The following MAST4 variants were observed in gnomAD, a reference collection of about 807,000 sequenced individuals.
MAST4 encodes microtubule-associated serine/threonine-protein kinase 4.
In MAST4, 89 loss-of-function variants were observed where a neutral mutation model predicts 162.7. The ratio of observed to expected loss-of-function variants is 0.55; its 90% CI spans 0.46 to 0.65. The LOEUF (loss-of-function observed/expected upper bound fraction) is 0.65, where lower values mean the gene tolerates loss of function less well. Ranked by LOEUF, MAST4 falls within the 30% of genes least tolerant of loss-of-function variation. The pLI, the probability that MAST4 is intolerant of heterozygous loss-of-function variation, is 0.00. For synonymous variants in MAST4, 1,479 were observed against 1,361.1 expected (o/e 1.09, Z -1.91); for missense variants, 3,153 against 3,374.0 (o/e 0.93, Z 1.62).
chr5:67,036,716 G>A (rs1391815771), intron 4 of MAST4, among the ~76,000 whole-genome samples: 1 of 152,124 alleles, frequency 6.6e-6, no homozygotes, highest in Non-Finnish European at 1.5e-5. Flanking sequence ...AATTGTATGT[G>A]TTCAGTACAG....
At chr5:66,786,241 A>T (rs1483481381) in intron 2 of MAST4, among the ~76,000 whole-genome samples, 1 of 151,516 alleles carries the variant, frequency 6.6e-6, no homozygotes, top group Non-Finnish European at 1.5e-5. Context: ...TTTGCCTTTA[A>T]TTTTTTCTAT....
intron 1 of MAST4, among the ~76,000 whole-genome samples, chr5:66,680,258 A>C (rs1332221102): frequency 6.6e-6 from 1 of 152,128 alleles, no homozygotes; most frequent in East Asian, 1.9e-4. Context: ...AGTTCTGTTG[A>C]CTTTGTTTTT....
At chr5:66,924,391 A>C (rs910175021) in intron 4 of MAST4, among the ~76,000 whole-genome samples, 3 of 152,012 alleles carry the variant, frequency 2.0e-5, no homozygotes, top group Admixed American at 2.0e-4. Flanking sequence ...TCTTTGTAGA[A>C]AATAATTTTT....
chr5:66,941,683 C>G (rs533047266), intron 4 of MAST4, among the ~76,000 whole-genome samples: 8 of 152,158 alleles, frequency 5.3e-5, no homozygotes, highest in African/African-American at 1.9e-4. Context: ...TTTACAACTT[C>G]GCTACCTGTT....
At chr5:67,024,795 T>C (rs1581239151) in intron 4 of MAST4, among the ~76,000 whole-genome samples, 1 of 151,744 alleles carries the variant, frequency 6.6e-6, no homozygotes, top group East Asian at 1.9e-4. Flanking sequence ...GCCTAGAACA[T>C]GCTTCCATTT....
At chr5:67,060,033 C>A (rs757444623) in intron 5 of MAST4, among the ~76,000 whole-genome samples, 19 of 152,136 alleles carry the variant, frequency 1.2e-4, no homozygotes, top group Non-Finnish European at 1.3e-4. Context: ...TTTGACTTAA[C>A]AAATAAAACT....
chr5:66,671,345 T>C (rs1250461709), intron 1 of MAST4, among the ~76,000 whole-genome samples: 1 of 152,200 alleles, frequency 6.6e-6, no homozygotes, highest in Non-Finnish European at 1.5e-5. Flanking sequence ...CAGCATCACA[T>C]TTGTGTTCCA....
At chr5:66,701,566 A>G (rs1749777593) in intron 1 of MAST4, among the ~76,000 whole-genome samples, 1 of 152,196 alleles carries the variant, frequency 6.6e-6, no homozygotes, top group Non-Finnish European at 1.5e-5. Flanking sequence ...GTTCAAAGCT[A>G]TTGCTATTTG....
intron 10 of MAST4, among the ~76,000 whole-genome samples, chr5:67,107,704 C>T (rs1397002548): frequency 6.6e-6 from 1 of 152,200 alleles, no homozygotes; most frequent in Non-Finnish European, 1.5e-5. Context: ...TTTTGCATAA[C>T]CCAGGTAAAA....
intron 1 of MAST4, among the ~76,000 whole-genome samples, chr5:66,708,248 A>G (rs925567843): frequency 2.6e-5 from 4 of 152,148 alleles, no homozygotes; most frequent in African/African-American, 9.7e-5. Flanking sequence ...TAGCTTAACC[A>G]TCGAAGTCTG....
chr5:67,105,443 C>G (rs1765491797), intron 10 of MAST4, among the ~76,000 whole-genome samples: 1 of 152,156 alleles, frequency 6.6e-6, no homozygotes, highest in African/African-American at 2.4e-5. Context: ...AGATAAGATC[C>G]TTCTCTGGCT....
intron 10 of MAST4, among the ~76,000 whole-genome samples, chr5:67,107,569 C>T (rs1018959896): frequency 6.6e-6 from 1 of 152,138 alleles, no homozygotes; most frequent in Admixed American, 6.5e-5. Context: ...AGGGGCCTGC[C>T]CTTTTTAGAT....
Position 66,763,194 on chromosome 5 carries a change from C to A in MAST4, c.517+3332C>A, listed in dbSNP as rs139040626. On this transcript the variant is annotated intron_variant, in intron 2 of 28. Coordinates refer to ENST00000403625, the MANE Select transcript of MAST4 (RefSeq NM_001164664.2). Reference sequence around the variant, plus strand: ...TCATGCTCACAACTGCTACACTGTTCCTAGCATAGTCAGTACCTAGTAGGT... The same window carrying A: ...TCATGCTCACAACTGCTACACTGTTACTAGCATAGTCAGTACCTAGTAGGT... 5.4e-3 allele frequency among the ~76,000 whole-genome samples: 822 copies of A among 152,242 alleles called. 7 individuals carry two copies. The highest frequency in any genetic ancestry group is 0.05 in the South Asian group (241 of 4,830).
At chr5:66,775,501 C>G (rs1008689792) in intron 2 of MAST4, among the ~76,000 whole-genome samples, 1 of 152,116 alleles carries the variant, frequency 6.6e-6, no homozygotes, top group Non-Finnish European at 1.5e-5. Context: ...AGCCCTACAC[C>G]TACCATTAAT....
At chr5:66,979,681 G>A (rs762393842) in intron 4 of MAST4, among the ~76,000 whole-genome samples, 24 of 152,224 alleles carry the variant, frequency 1.6e-4, no homozygotes, top group Non-Finnish European at 3.1e-4. Flanking sequence ...AAATGAGCTT[G>A]CTTTTGAGGT....
At chr5:66,704,216 T>A (rs921251686) in intron 1 of MAST4, among the ~76,000 whole-genome samples, 5 of 152,218 alleles carry the variant, frequency 3.3e-5, no homozygotes, top group African/African-American at 1.2e-4. Flanking sequence ...ACCGTTGGGT[T>A]GACTCATTTG....
intron 4 of MAST4, among the ~76,000 whole-genome samples, chr5:66,918,513 A>T (rs1764263252): frequency 6.6e-6 from 1 of 152,188 alleles, no homozygotes; most frequent in Non-Finnish European, 1.5e-5. Context: ...ACATTAACTT[A>T]ATTGTTTTTA....
chr5:67,036,491 T>C (rs1756035265), intron 4 of MAST4, among the ~76,000 whole-genome samples: 1 of 152,146 alleles, frequency 6.6e-6, no homozygotes, highest in African/African-American at 2.4e-5. Context: ...AGTCCCTCAG[T>C]GTCCCGAGGA....
intron 22 of MAST4, 35 bp from the exon 23 acceptor site, chr5:67,145,109 A>G (rs890450966): frequency 4.7e-6 from 7 of 1,496,664 alleles, no homozygotes; most frequent in Middle Eastern, 1.7e-4. Context: ...GTTTTCTAGT[A>G]TGTATATATG....
Sources: gnomAD v4.1 joint callset for allele counts (sites outside exome capture counted in the v4.1 genomes callset) on GRCh38, gnomAD v4.1.1 for gene constraint, MANE v1.5 for transcripts, NCBI Gene and HGNC (gene_info 2026-07-23, HGNC 2026-07-21) for gene names.